The following C7orf78 variants were observed in gnomAD, a reference collection of about 807,000 sequenced individuals.
C7orf78 encodes chromosome 7 open reading frame 78.
the C7orf78 span, among the ~76,000 whole-genome samples, chr7:12,493,031 C>T: frequency 1.3e-5 from 2 of 152,008 alleles, no homozygotes; most frequent in African/African-American, 2.4e-5. Context: ...GGCAAAAAAC[C>T]ATCTCTACAA....
the C7orf78 span, among the ~76,000 whole-genome samples, chr7:12,527,222 C>T: frequency 1.8e-5 from 2 of 112,236 alleles, no homozygotes; most frequent in Non-Finnish European, 3.5e-5. Context: ...GTAGAAAATG[C>T]CACCTAGCTG....
At chr7:12,535,657 C>T in the C7orf78 span, among the ~76,000 whole-genome samples, 2 of 152,216 alleles carry the variant, frequency 1.3e-5, no homozygotes, top group African/African-American at 4.8e-5. Flanking sequence ...TCCAACATCT[C>T]TTCTGAAACA....
the C7orf78 span, among the ~76,000 whole-genome samples, chr7:12,532,863 C>G: frequency 6.6e-6 from 1 of 152,238 alleles, no homozygotes; most frequent in Non-Finnish European, 1.5e-5. Context: ...AGTCAGCAGA[C>G]AGCTATCTCT....
chr7:12,530,418 G>T, the C7orf78 span: 3 of 152,140 alleles, frequency 2.0e-5, no homozygotes, highest in Non-Finnish European at 2.9e-5. Flanking sequence ...TGCGACACTA[G>T]AGTCAGGCTG....
chr7:12,527,880 A>G, the C7orf78 span, among the ~76,000 whole-genome samples: 509 of 147,126 alleles, frequency 3.5e-3, 20 homozygotes, highest in Admixed American at 0.031. Context: ...TTGAAATGGA[A>G]CATATCAGCT....
At chr7:12,498,362 G>C in the C7orf78 span, among the ~76,000 whole-genome samples, 1 of 151,006 alleles carries the variant, frequency 6.6e-6, no homozygotes, top group African/African-American at 2.4e-5. Flanking sequence ...TGTATAACTA[G>C]AATAACCAAT....
the C7orf78 span, among the ~76,000 whole-genome samples, chr7:12,510,473 C>T: frequency 6.6e-5 from 10 of 152,208 alleles, no homozygotes; most frequent in East Asian, 1.7e-3. Context: ...TCTGTTTTTA[C>T]TTTTTTGAGA....
the C7orf78 span, among the ~76,000 whole-genome samples, chr7:12,539,627 G>A: frequency 6.6e-6 from 1 of 152,178 alleles, no homozygotes; most frequent in Non-Finnish European, 1.5e-5. Flanking sequence ...CAAAACACCA[G>A]GGGTTTAGTC....
chr7:12,528,841 A>C, the C7orf78 span: 1 of 397,518 alleles, frequency 2.5e-6, no homozygotes, highest in African/African-American at 2.1e-5. Context: ...TACATCTGAG[A>C]GACATCATGA....
the C7orf78 span, among the ~76,000 whole-genome samples, chr7:12,498,296 T>C: frequency 6.6e-6 from 1 of 151,258 alleles, no homozygotes; most frequent in Non-Finnish European, 1.5e-5. Flanking sequence ...GAGCTACGGG[T>C]GGACATTCAA....
the C7orf78 span, among the ~76,000 whole-genome samples, chr7:12,489,436 T>A: frequency 6.6e-6 from 1 of 152,188 alleles, no homozygotes; most frequent in African/African-American, 2.4e-5. Flanking sequence ...CAGAATTCCG[T>A]ATAGGTCTAC....
the C7orf78 span, among the ~76,000 whole-genome samples, chr7:12,499,824 T>G: frequency 6.7e-6 from 1 of 148,932 alleles, no homozygotes; most frequent in Admixed American, 6.7e-5. Flanking sequence ...GACCACATAC[T>G]TGGAAGTAAA....
At chr7:12,493,455 C>A in the C7orf78 span, among the ~76,000 whole-genome samples, 1 of 152,192 alleles carries the variant, frequency 6.6e-6, no homozygotes, top group Non-Finnish European at 1.5e-5. Flanking sequence ...CCCTGGAAGG[C>A]TTGTGAAAAC....
At chr7:12,491,232 A>G in the C7orf78 span, 3 of 152,220 alleles carry the variant, frequency 2.0e-5, no homozygotes, top group African/African-American at 7.2e-5. Context: ...TGCCAATTCA[A>G]ATCCTCTTAA....
the C7orf78 span, among the ~76,000 whole-genome samples, chr7:12,487,281 G>A: frequency 6.6e-6 from 1 of 152,036 alleles, no homozygotes; most frequent in Non-Finnish European, 1.5e-5. Context: ...GGGAAGAGAA[G>A]TCAGGGATTA....
At chr7:12,523,489 T>C in the C7orf78 span, 3 of 397,014 alleles carry the variant, frequency 7.6e-6, no homozygotes, top group Non-Finnish European at 1.3e-5. Flanking sequence ...GTATTATTTT[T>C]TATTCATTTC....
the C7orf78 span, among the ~76,000 whole-genome samples, chr7:12,512,428 T>A: frequency 4.7e-4 from 71 of 152,326 alleles, 1 homozygote; most frequent in Non-Finnish European, 4.3e-4. Flanking sequence ...ATTCTTTTTC[T>A]GCATCTGTTG....
chr7:12,533,586 A>C, the C7orf78 span, among the ~76,000 whole-genome samples: 10 of 143,496 alleles, frequency 7.0e-5, no homozygotes, highest in African/African-American at 2.6e-4. Context: ...GTACGATCTC[A>C]GTTCACTGCA....
the C7orf78 span, among the ~76,000 whole-genome samples, chr7:12,539,964 G>C: frequency 6.6e-6 from 1 of 152,152 alleles, no homozygotes; most frequent in Non-Finnish European, 1.5e-5. Context: ...TCCTGAGGAA[G>C]GAACTCAGAT....
Sources: allele counts gnomAD v4.1 joint callset (sites outside exome capture counted in the v4.1 genomes callset), GRCh38; gene constraint gnomAD v4.1.1; transcripts MANE v1.5; gene names NCBI Gene and HGNC (gene_info 2026-07-23, HGNC 2026-07-21).